KIRREL3: variants seen among roughly 807,000 people sequenced by gnomAD.
KIRREL3 encodes the protein kin of IRRE-like protein 3.
A neutral mutation model predicts 89.7 loss-of-function variants in KIRREL3; 36 were observed. The observed-to-expected ratio is 0.40, with a 90% CI of 0.31 to 0.53. The LOEUF is 0.53. Among genes scored for constraint, KIRREL3 ranks in the 20% least tolerant of loss-of-function variants. The probability of loss-of-function intolerance (pLI) is 0.49; values close to 1 mark genes in which losing one functional copy is unlikely to be tolerated. For missense variants in KIRREL3, 864 were observed against 1,056.6 expected (o/e 0.82, Z 2.53); for synonymous variants, 445 against 441.4 (o/e 1.01, Z -0.10).
chr11:126,926,322 T>A (rs1202676277), intron 1 of KIRREL3, among the ~76,000 whole-genome samples: 1 of 152,232 alleles, frequency 6.6e-6, no homozygotes, highest in Non-Finnish European at 1.5e-5. Flanking sequence ...CAGTGGGTTG[T>A]GAGAACGAAA....
intron 2 of KIRREL3, among the ~76,000 whole-genome samples, chr11:126,545,785 G>C (rs1317531187): frequency 6.6e-6 from 1 of 152,170 alleles, no homozygotes; most frequent in African/African-American, 2.4e-5. Flanking sequence ...GTTCTGGAGG[G>C]CATTGGTGGT....
In KIRREL3 at chr11:126,734,345, T is replaced by G. The variant is rs1315720035; in HGVS notation, c.56-171433A>C. Among the ~76,000 whole-genome samples the G allele has an allele frequency of 1.3e-5, 2 of 152,140 alleles. No homozygotes were observed. Among genetic ancestry groups the G allele is most frequent in the African/African-American group, 4.8e-5 (2 of 41,422 alleles). ...TCTGCTTCAAGATTTCCCCCTCTGT[T>G]TTTTCAGTGATCCATTTGTTTACTT... On this transcript the variant is annotated intron_variant, in intron 1 of 16. Transcript: ENST00000525144. This position sits in a 1 kb window ranked among gnomAD's most constrained non-coding sequence, Gnocchi z 5.9.
rs1946986340 is a variant in KIRREL3 at position 126,694,014 on chromosome 11, C to T, written c.56-131102G>A. The stretch of plus-strand genomic sequence containing the variant: ...GTAGAGGAAGGAGCTGGGGCCCAGG[C>T]AGCCACAGGTTGAAGAGGCGGAGGG... On this transcript the variant is annotated intron_variant, in intron 1 of 16. Transcript: ENST00000525144. The surrounding 1 kb of genome is among the most constrained non-coding windows in gnomAD (Gnocchi z 4.4). Among the ~76,000 whole-genome samples the T allele has an allele frequency of 6.6e-6, 1 of 152,222 alleles. No individual in the cohort carries two copies. Among genetic ancestry groups the T allele is most frequent in the Non-Finnish European group, 1.5e-5 (1 of 68,040 alleles).
chr11:126,633,764 C>T (rs1944148114), intron 1 of KIRREL3, among the ~76,000 whole-genome samples: 1 of 152,228 alleles, frequency 6.6e-6, no homozygotes, highest in South Asian at 2.1e-4. Context: ...AAAACACTGT[C>T]TTGTCTTCCT....
intron 1 of KIRREL3, among the ~76,000 whole-genome samples, chr11:126,630,983 C>A (rs368064864): frequency 3.1e-4 from 47 of 152,310 alleles, no homozygotes; most frequent in African/African-American, 1.1e-3. Context: ...CACGTCCTGC[C>A]TAAAGTGTCA....
In KIRREL3 at chr11:126,739,078, G is replaced by A. The variant is rs967055491; in HGVS notation, c.56-176166C>T. On this transcript the variant is annotated intron_variant, in intron 1 of 16. Coordinates refer to ENST00000525144, the MANE Select transcript of KIRREL3 (RefSeq NM_032531.4). This position sits in a 1 kb window ranked among gnomAD's most constrained non-coding sequence, Gnocchi z 5.5. ...ACAAATGAAGAAACTGGCTTTCAGA[G>A]AGACCAAGTAACTTGCTCAAGGCCA... 6.6e-5 allele frequency among the ~76,000 whole-genome samples: 10 copies of A among 152,190 alleles called. No homozygotes were observed. Among genetic ancestry groups the A allele is most frequent in the Admixed American group, 2.6e-4 (4 of 15,280 alleles).
At chr11:126,618,486 G>A (rs990597400) in intron 1 of KIRREL3, among the ~76,000 whole-genome samples, 1 of 152,124 alleles carries the variant, frequency 6.6e-6, no homozygotes, top group Non-Finnish European at 1.5e-5. Context: ...CCAGGTTGGA[G>A]TGCAGTGGCA....
At chr11:126,875,282 C>T (rs1379388302) in intron 1 of KIRREL3, among the ~76,000 whole-genome samples, 1 of 152,096 alleles carries the variant, frequency 6.6e-6, no homozygotes, top group Non-Finnish European at 1.5e-5. Flanking sequence ...ACTGAAGAGA[C>T]CCCCCAGAAA....
At position 126,609,533 on chromosome 11, in the gene KIRREL3, A is replaced by G. The variant is rs1425465600; in HGVS notation, c.56-46621T>C. On this transcript the variant is annotated intron_variant, in intron 1 of 16. Coordinates refer to ENST00000525144, the MANE Select transcript of KIRREL3 (RefSeq NM_032531.4). The surrounding 1 kb of genome is among the most constrained non-coding windows in gnomAD (Gnocchi z 5.0). ...AAGTGGGTGGGGGACCTGCTGGGAG[A>G]GAGGGGCAGGGGAATGTGCCTGAGA... Among the ~76,000 whole-genome samples the G allele has an allele frequency of 1.3e-5, 2 of 152,004 alleles. No individual in the cohort carries two copies. Among genetic ancestry groups the G allele is most frequent in the African/African-American group, 4.8e-5 (2 of 41,360 alleles).
At chr11:126,822,793 G>A (rs1014783413) in intron 1 of KIRREL3, among the ~76,000 whole-genome samples, 2 of 152,130 alleles carry the variant, frequency 1.3e-5, no homozygotes, top group African/African-American at 4.8e-5. Context: ...GGCCAGTGTT[G>A]TTCTCTCTCC....
rs1372725611 is a variant in KIRREL3, at chr11:126,987,929, G to C, written c.55+12526C>G. On this transcript the variant is annotated intron_variant, in intron 1 of 16. Transcript: ENST00000525144. The surrounding 1 kb of genome is among the most constrained non-coding windows in gnomAD (Gnocchi z 4.6). ...AAGTTGTACCAGCCGAGACCAAAGT[G>C]AAAAGAATCATAGGCTCTATGACAC... Among the ~76,000 whole-genome samples, 2 of 152,130 alleles carry C rather than the reference G, an allele frequency of 1.3e-5. No individual in the cohort carries two copies. Among genetic ancestry groups the C allele is most frequent in the Non-Finnish European group, 2.9e-5 (2 of 68,014 alleles).
chr11:126,451,329 A>AGTGAGTGTGTGCATGT (rs1555109131), intron 7 of KIRREL3, among the ~76,000 whole-genome samples: 29 of 46,572 alleles, frequency 6.2e-4, no homozygotes, highest in South Asian at 3.1e-3. Context: ...TGTGTGCATT[A>AGTGAGTGTGTGCATGT]GTGAGTGTGT....
At chr11:126,923,145 T>C (rs879469250) in intron 1 of KIRREL3, among the ~76,000 whole-genome samples, 5,077 of 23,326 alleles carry the variant, frequency 0.22, 738 homozygotes, top group Middle Eastern at 0.28. Context: ...TTCTTCTTCT[T>C]CTTCTTCTTC....
intron 7 of KIRREL3, among the ~76,000 whole-genome samples, chr11:126,450,393 G>A (rs1222811924): frequency 4.0e-5 from 6 of 150,942 alleles, no homozygotes; most frequent in Non-Finnish European, 7.4e-5. Context: ...GTGAGTGTGG[G>A]TATGTGTGAG....
chr11:126,775,253 G>A lies in KIRREL3; in HGVS notation c.56-212341C>T, dbSNP rs147341516. On this transcript the variant is annotated intron_variant, in intron 1 of 16. Transcript: ENST00000525144. ...GATATGCTCACTTAAGGAGTTGATC[G>A]ATTTAAAAAATTCAGGTAGAGGCAT... 5.4e-3 allele frequency among the ~76,000 whole-genome samples: 820 copies of A among 152,240 alleles called. 8 individuals carry two copies. Among genetic ancestry groups the A allele is most frequent in the African/African-American group, 0.018 (763 of 41,530 alleles).
chr11:126,592,600 G>A (rs1425221564), intron 1 of KIRREL3, among the ~76,000 whole-genome samples: 2 of 152,210 alleles, frequency 1.3e-5, no homozygotes. Flanking sequence ...AGGATGGAAA[G>A]GACCATGGCA....
rs547246099 is a variant in KIRREL3 at position 126,439,805 on chromosome 11, G to C, written c.1353+644C>G. Among the ~76,000 whole-genome samples the C allele has an allele frequency of 1.4e-4, 21 of 151,750 alleles. 1 individual carries two copies. Among genetic ancestry groups the C allele is most frequent in the African/African-American group, 5.1e-4 (21 of 41,414 alleles). ...TGCACTCCAGCCTGGGTGATAGAGCGAGACTCCATCTCAAAAAACAAACAC... is the reference window on the plus strand; with the variant it reads ...TGCACTCCAGCCTGGGTGATAGAGCCAGACTCCATCTCAAAAAACAAACAC... On this transcript the variant is annotated intron_variant, in intron 11 of 16. Transcript: ENST00000525144.
In KIRREL3 at chr11:126,647,259, G is replaced by A. The variant is rs1346227131; in HGVS notation, c.56-84347C>T. ...CTCCAAGCCCCAGTGCTTGTCTGCT[G>A]GGGTTTCTAGCTGGAAATCAGAATA... On this transcript the variant is annotated intron_variant, in intron 1 of 16. Transcript: ENST00000525144. The surrounding 1 kb of genome is among the most constrained non-coding windows in gnomAD (Gnocchi z 4.9). Among the ~76,000 whole-genome samples the A allele has an allele frequency of 6.6e-6, 1 of 152,164 alleles. No individual in the cohort carries two copies. The highest frequency in any genetic ancestry group is 6.5e-5 in the Admixed American group (1 of 15,280).
rs1227713483 is a variant in KIRREL3 at position 126,508,836 on chromosome 11, AG to A, written c.433+12478del. ...GCAGAGCTGGTCAGAGGGCAGATGAAGGCATGCGAGTGGGTTCCTCAGCACA... is the reference window on the plus strand; with the variant it reads ...GCAGAGCTGGTCAGAGGGCAGATGAAGCATGCGAGTGGGTTCCTCAGCACA... On this transcript the variant is annotated intron_variant, in intron 4 of 16. Transcript: ENST00000525144. The surrounding 1 kb of genome is among the most constrained non-coding windows in gnomAD (Gnocchi z 4.9). Among the ~76,000 whole-genome samples the A allele has an allele frequency of 6.6e-6, 1 of 152,140 alleles. No individual in the cohort carries two copies. Among genetic ancestry groups the A allele is most frequent in the African/African-American group, 2.4e-5 (1 of 41,430 alleles).
Sources: gnomAD v4.1 joint callset for allele counts (sites outside exome capture counted in the v4.1 genomes callset) on GRCh38, gnomAD v4.1.1 for gene constraint, Gnocchi (gnomAD v3.1) non-coding constraint, MANE v1.5 for transcripts, NCBI Gene and HGNC (gene_info 2026-07-23, HGNC 2026-07-21) for gene names.